The following DOCK3 variants were observed in gnomAD, a reference collection of about 807,000 sequenced individuals.
DOCK3 encodes the protein dedicator of cytokinesis protein 3.
Under a neutral mutation model 265.6 loss-of-function variants are expected in DOCK3, and 60 were observed. That is an observed-to-expected ratio of 0.23 (90% CI 0.18 to 0.28). The LOEUF (loss-of-function observed/expected upper bound fraction) is 0.28. Among genes scored for constraint, DOCK3 ranks in the 10% least tolerant of loss-of-function variants. The probability of loss-of-function intolerance (pLI) is 1.00; values close to 1 mark genes in which losing one functional copy is unlikely to be tolerated. For missense variants in DOCK3, 1,981 were observed against 2,594.3 expected, an observed-to-expected ratio of 0.76 and a Z score of 5.14; for synonymous variants, 881 against 938.0, an observed-to-expected ratio of 0.94 and a Z score of 1.11.
rs1245751180 is a variant in DOCK3, at chr3:51,356,852, A to G, written c.4504-110A>G. 3.8e-6 allele frequency: 5 copies of G among 1,319,526 alleles called. No homozygotes were observed. The African/African-American group carries it at 7.4e-5, about 20-fold the overall frequency. The allele number at this position is 1,319,526 out of a possible 1,614,324, so 81.7% of individuals were successfully genotyped here. ...AGGGTCCAGGGAGTCTCAAGTTCAC[A>G]GGAACAAGGAAGGGGAATCAATACC... On this transcript the variant is annotated intron_variant, in intron 43 of 52. Transcript: ENST00000266037.
chr3:50,922,505 C>T (rs1369045073), intron 4 of DOCK3, among the ~76,000 whole-genome samples: 1 of 152,246 alleles, frequency 6.6e-6, no homozygotes, highest in Admixed American at 6.5e-5. Flanking sequence ...GCGCTTCCCA[C>T]GTGGGGCAAT....
intron 5 of DOCK3, among the ~76,000 whole-genome samples, chr3:51,036,660 A>G (rs1228299347): frequency 1.3e-5 from 2 of 151,816 alleles, no homozygotes; most frequent in Non-Finnish European, 2.9e-5. Flanking sequence ...CTTTAGATGT[A>G]TTTGGAGTCA....
intron 1 of DOCK3, among the ~76,000 whole-genome samples, chr3:50,757,678 G>C (rs1309149558): frequency 1.3e-5 from 2 of 151,894 alleles, no homozygotes; most frequent in Non-Finnish European, 2.9e-5. Context: ...TCACATCTAA[G>C]AAACAGTTGA....
At chr3:51,024,627 C>T (rs1403487840) in intron 5 of DOCK3, among the ~76,000 whole-genome samples, 2 of 152,194 alleles carry the variant, frequency 1.3e-5, no homozygotes, top group Non-Finnish European at 2.9e-5. Flanking sequence ...CAGACAGGCA[C>T]CTCTTCTTTA....
chr3:50,804,108 C>T (rs537099545), intron 2 of DOCK3, among the ~76,000 whole-genome samples: 129 of 149,400 alleles, frequency 8.6e-4, no homozygotes, highest in African/African-American at 3.0e-3. Flanking sequence ...GACGGGGCGG[C>T]GGGGCAGAGG....
At chr3:51,068,427 C>T (rs1478092464) in intron 6 of DOCK3, among the ~76,000 whole-genome samples, 1 of 150,372 alleles carries the variant, frequency 6.7e-6, no homozygotes, top group African/African-American at 2.4e-5. Flanking sequence ...GTAGTCCCAG[C>T]TACTCGGGAG....
chr3:51,284,398 T>TA (rs1428711522), intron 27 of DOCK3, among the ~76,000 whole-genome samples: 1 of 152,166 alleles, frequency 6.6e-6, no homozygotes, highest in African/African-American at 2.4e-5. Context: ...CTTTTACAGT[T>TA]ACCTCCCGAA....
intron 27 of DOCK3, among the ~76,000 whole-genome samples, chr3:51,289,742 T>C (rs1254271448): frequency 6.6e-6 from 1 of 151,586 alleles, no homozygotes; most frequent in Non-Finnish European, 1.5e-5. Flanking sequence ...ACCATCAGAG[T>C]GAACAGGCAA....
chr3:51,241,727 G>C (rs923645448), intron 21 of DOCK3, among the ~76,000 whole-genome samples: 1 of 152,122 alleles, frequency 6.6e-6, no homozygotes, highest in Admixed American at 6.5e-5. Context: ...GTTAATACTT[G>C]CAATTGCATT....
chr3:51,150,277 CA>C (rs1576246601), intron 10 of DOCK3, among the ~76,000 whole-genome samples: 1 of 151,730 alleles, frequency 6.6e-6, no homozygotes, highest in African/African-American at 2.4e-5. Flanking sequence ...TTGATCTTTT[CA>C]AAAAAACAGC....
chr3:51,249,655 G>T (rs1476602051), intron 22 of DOCK3, among the ~76,000 whole-genome samples: 1 of 123,368 alleles, frequency 8.1e-6, no homozygotes, highest in African/African-American at 3.1e-5. Flanking sequence ...AGGTGGGGGG[G>T]GGTCAGCCCC....
intron 5 of DOCK3, among the ~76,000 whole-genome samples, chr3:51,015,429 T>A (rs887307039): frequency 6.6e-6 from 1 of 151,832 alleles, no homozygotes; most frequent in African/African-American, 2.4e-5. Flanking sequence ...ATTTAGCACA[T>A]TGATTGATTT....
At chr3:50,734,686 T>C (rs1488208838) in intron 1 of DOCK3, among the ~76,000 whole-genome samples, 1 of 132,274 alleles carries the variant, frequency 7.6e-6, no homozygotes, top group East Asian at 2.6e-4. Flanking sequence ...CACTGCAAGC[T>C]CCGCCTCCTG....
chr3:50,990,275 G>A (rs2078058481), intron 5 of DOCK3, among the ~76,000 whole-genome samples: 1 of 152,094 alleles, frequency 6.6e-6, no homozygotes, highest in Non-Finnish European at 1.5e-5. Context: ...TTGCTAGAGT[G>A]GCCAACAGTC....
intron 5 of DOCK3, among the ~76,000 whole-genome samples, chr3:51,053,366 T>C (rs1018266572): frequency 1.3e-5 from 2 of 151,490 alleles, no homozygotes; most frequent in African/African-American, 4.8e-5. Context: ...CGAATGCTCT[T>C]GTCCCTACAT....
chr3:50,998,205 G>A (rs13062018), intron 5 of DOCK3, among the ~76,000 whole-genome samples: 14,500 of 152,214 alleles, frequency 0.095, 859 homozygotes, highest in Non-Finnish European at 0.12. Flanking sequence ...CTAGATTTGC[G>A]TTATAGGTTT....
chr3:50,690,105 C>T (rs766688985), intron 1 of DOCK3, among the ~76,000 whole-genome samples: 4 of 150,272 alleles, frequency 2.7e-5, no homozygotes, highest in Non-Finnish European at 5.9e-5. Flanking sequence ...TGTGGCAAAA[C>T]GTACGTAACA....
chr3:50,728,276 A>T (rs1403164244), intron 1 of DOCK3, among the ~76,000 whole-genome samples: 1 of 152,214 alleles, frequency 6.6e-6, no homozygotes, highest in Non-Finnish European at 1.5e-5. Flanking sequence ...AATGATAATG[A>T]ATACGTAACA....
intron 4 of DOCK3, among the ~76,000 whole-genome samples, chr3:50,891,516 A>G (rs140952641): frequency 6.6e-6 from 1 of 152,250 alleles, no homozygotes; most frequent in Admixed American, 6.6e-5. Context: ...CAAGTTTATA[A>G]GTAAGGACTA....
Sources: allele counts gnomAD v4.1 joint callset (sites outside exome capture counted in the v4.1 genomes callset), GRCh38; gene constraint gnomAD v4.1.1; transcripts MANE v1.5; gene names NCBI Gene and HGNC (gene_info 2026-07-23, HGNC 2026-07-21).